USH2A: variants seen among roughly 807,000 people sequenced by gnomAD.
USH2A encodes Usher syndrome 2A (autosomal recessive, mild).
USH2A carries 443 observed loss-of-function variants against 538.9 expected under a neutral mutation model. The ratio of observed to expected loss-of-function variants is 0.82; its 90% CI spans 0.76 to 0.89. The LOEUF (loss-of-function observed/expected upper bound fraction) is 0.89. Ranked by LOEUF, USH2A falls within the 40% of genes least tolerant of loss-of-function variation. The probability of loss-of-function intolerance (pLI) is 0.00; values close to 1 mark genes in which losing one functional copy is unlikely to be tolerated. For missense variants in USH2A, 6,633 were observed against 6,324.8 expected, an observed-to-expected ratio of 1.05 and a Z score of -1.65; for synonymous variants, 2,413 against 2,273.5, an observed-to-expected ratio of 1.06 and a Z score of -1.75.
chr1:215,998,996 T>C lies in USH2A; in HGVS notation c.6548A>G (p.His2183Arg), dbSNP rs746130692. 1.2e-6 allele frequency: 2 copies of C among 1,613,030 alleles called. No individual in the cohort carries two copies. The highest frequency in any genetic ancestry group is 2.2e-5 in the South Asian group (2 of 91,026). ...ACTCCAAATTGTAAAATCATGTGTATGGTTTGACATATATAATACATAGCG... is the reference window on the plus strand; with the variant it reads ...ACTCCAAATTGTAAAATCATGTGTACGGTTTGACATATATAATACATAGCG... ...LERYVLYMSN[H>R]THDFTIWSVI... The change falls in exon 34 of 72, where the codon CAT (histidine) becomes CGT (arginine). Residue 2183 changes from histidine (H) to arginine (R), a missense_variant. Coordinates refer to ENST00000307340, the MANE Select transcript of USH2A (RefSeq NM_206933.4).
At chr1:215,787,900 TG>T (rs1661848839) in intron 51 of USH2A, among the ~76,000 whole-genome samples, 1 of 151,952 alleles carries the variant, frequency 6.6e-6, no homozygotes. Flanking sequence ...AAAAATTAGC[TG>T]GGCTTGGTGG....
At chr1:215,834,744 C>T (rs1196038430) in intron 47 of USH2A, among the ~76,000 whole-genome samples, 1 of 151,342 alleles carries the variant, frequency 6.6e-6, no homozygotes, top group Non-Finnish European at 1.5e-5. Context: ...CACAGTAGTA[C>T]ATTGGTTCTG....
At chr1:216,270,319 G>A (rs566000155) in intron 11 of USH2A, among the ~76,000 whole-genome samples, 4 of 152,098 alleles carry the variant, frequency 2.6e-5, no homozygotes, top group African/African-American at 7.2e-5. Flanking sequence ...AATCTGTCCC[G>A]GAAATTGAGT....
chr1:216,056,439 A>T (rs962989504), intron 30 of USH2A, among the ~76,000 whole-genome samples: 1 of 152,174 alleles, frequency 6.6e-6, no homozygotes, highest in Non-Finnish European at 1.5e-5. Flanking sequence ...AGTGTACTGT[A>T]TGGTGCTCAA....
chr1:216,392,730 A>AT (rs1193158035), intron 3 of USH2A, among the ~76,000 whole-genome samples: 2 of 152,170 alleles, frequency 1.3e-5, no homozygotes, highest in Non-Finnish European at 2.9e-5. Context: ...AACATATATA[A>AT]TATGCACATA....
At chr1:216,310,395 AT>A (rs1040447581) in intron 9 of USH2A, among the ~76,000 whole-genome samples, 120 of 152,022 alleles carry the variant, frequency 7.9e-4, no homozygotes, top group African/African-American at 2.8e-3. Flanking sequence ...AAATTTTGGA[AT>A]TTTTTGTTAT....
intron 26 of USH2A, among the ~76,000 whole-genome samples, chr1:216,080,618 A>C (rs1306107170): frequency 6.6e-6 from 1 of 152,004 alleles, no homozygotes; most frequent in East Asian, 1.9e-4. Flanking sequence ...GAGGCTTCAC[A>C]GACAAAAGAA....
intron 43 of USH2A, among the ~76,000 whole-genome samples, chr1:215,869,092 A>C (rs1011080481): frequency 6.6e-6 from 1 of 152,206 alleles, no homozygotes; most frequent in African/African-American, 2.4e-5. Flanking sequence ...GCTGTCAGGC[A>C]TTTTCTACAG....
rs991802450 is a variant in USH2A at position 215,965,485 on chromosome 1, A to G, written c.6958-6T>C. 1.2e-6 allele frequency: 2 copies of G among 1,613,288 alleles called. No individual in the cohort carries two copies. Among genetic ancestry groups the G allele is most frequent in the African/African-American group, 1.3e-5 (1 of 74,850 alleles). ...TCTAGAGTTCGATTTTCCACCTGTG[A>G]GTATAAAAAGATTTATTTTTGTTTG... On this transcript the variant is annotated splice_polypyrimidine_tract_variant and splice_region_variant and intron_variant, in intron 36 of 71. Coordinates refer to ENST00000307340, the MANE Select transcript of USH2A (RefSeq NM_206933.4).
At chr1:215,807,684 C>A (rs1282605294) in intron 49 of USH2A, among the ~76,000 whole-genome samples, 3 of 152,056 alleles carry the variant, frequency 2.0e-5, no homozygotes, top group African/African-American at 7.2e-5. Flanking sequence ...ATAGGATCAA[C>A]AAGGATCCTT....
At chr1:216,261,130 G>T (rs556145854) in intron 11 of USH2A, among the ~76,000 whole-genome samples, 23 of 152,180 alleles carry the variant, frequency 1.5e-4, no homozygotes, top group African/African-American at 5.5e-4. Flanking sequence ...GGAGGAGGAT[G>T]AAAAATGATA....
At chr1:215,931,497 T>A (rs1210513689) in intron 38 of USH2A, among the ~76,000 whole-genome samples, 1 of 151,950 alleles carries the variant, frequency 6.6e-6, no homozygotes, top group Non-Finnish European at 1.5e-5. Flanking sequence ...TCACCTCCAA[T>A]ACACTCACCC....
intron 49 of USH2A, among the ~76,000 whole-genome samples, chr1:215,807,472 A>G (rs968581337): frequency 6.6e-6 from 1 of 152,114 alleles, no homozygotes; most frequent in East Asian, 1.9e-4. Context: ...GATTCCCTCT[A>G]TTTGTCAATA....
At chr1:216,317,523 C>T (rs1350235335) in intron 9 of USH2A, among the ~76,000 whole-genome samples, 1 of 152,012 alleles carries the variant, frequency 6.6e-6, no homozygotes. Flanking sequence ...AACAAACCTG[C>T]ACATCCTACA....
In USH2A at chr1:215,970,740, A is replaced by T; in HGVS notation, c.6842T>A (p.Ile2281Lys). Residue 2281 changes from isoleucine (I) to lysine (K), a missense_variant, in exon 36 of 72, where the codon ATA (isoleucine) becomes AAA (lysine). Physicochemically the swap from Ile to Lys is moderately radical, Grantham distance 102. Transcript: ENST00000307340. The stretch of plus-strand genomic sequence containing the variant: ...GAGTTCTGAGGAATTGTGGATTAAT[A>T]TACCATCTAGATATAATCCATAACT... ...ITSYGLYLDGILIHNSSELSY... is the reference protein window; with the variant it reads ...ITSYGLYLDGKLIHNSSELSY... 1.2e-6 allele frequency: 2 copies of T among 1,613,626 alleles called. No homozygotes were observed. Among genetic ancestry groups the T allele is most frequent in the South Asian group, 2.2e-5 (2 of 91,082 alleles).
chr1:216,338,511 A>G (rs1009277612), intron 4 of USH2A, among the ~76,000 whole-genome samples: 1 of 151,562 alleles, frequency 6.6e-6, no homozygotes. Context: ...GAATTTCTTA[A>G]GTAAGATATA....
At chr1:216,160,373 A>G (rs1213674001) in intron 21 of USH2A, among the ~76,000 whole-genome samples, 1 of 152,112 alleles carries the variant, frequency 6.6e-6, no homozygotes, top group Non-Finnish European at 1.5e-5. Context: ...AATAATTTTT[A>G]ATTTCCATAA....
chr1:215,750,667 C>T (rs956630162), intron 58 of USH2A, among the ~76,000 whole-genome samples: 2 of 152,046 alleles, frequency 1.3e-5, no homozygotes, highest in African/African-American at 4.8e-5. Flanking sequence ...GCTTTCCGCA[C>T]GTTTAGGTGG....
At chr1:216,404,908 A>T (rs2039367489) in intron 3 of USH2A, among the ~76,000 whole-genome samples, 1 of 150,762 alleles carries the variant, frequency 6.6e-6, no homozygotes, top group Non-Finnish European at 1.5e-5. Context: ...ACAGACACAC[A>T]GCACCATGCC....
Sources: allele counts gnomAD v4.1 joint callset (sites outside exome capture counted in the v4.1 genomes callset), GRCh38; gene constraint gnomAD v4.1.1; transcripts MANE v1.5; gene names NCBI Gene and HGNC (gene_info 2026-07-23, HGNC 2026-07-21).